PRKN: variants seen among roughly 807,000 people sequenced by gnomAD.
The protein encoded by PRKN is parkin RBR E3 ubiquitin protein ligase.
A neutral mutation model predicts 59.5 loss-of-function variants in PRKN; 56 were observed. That is an observed-to-expected ratio of 0.94 (90% CI 0.76 to 1.18). The LOEUF is 1.18. PRKN is among the 50% of genes most tolerant of loss of function. The pLI, the probability that PRKN is intolerant of heterozygous loss-of-function variation, is 0.00. For missense variants in PRKN, 657 were observed against 596.4 expected, an observed-to-expected ratio of 1.10 and a Z score of -1.06; for synonymous variants, 250 against 222.1, an observed-to-expected ratio of 1.13 and a Z score of -1.12.
intron 9 of PRKN, among the ~76,000 whole-genome samples, chr6:161,472,437 T>C (rs369111492): frequency 9.9e-5 from 15 of 152,108 alleles, no homozygotes; most frequent in African/African-American, 3.6e-4. Context: ...ATAAATGGTA[T>C]TGGGAAAACT....
At chr6:161,635,200 G>A (rs1301820465) in intron 7 of PRKN, among the ~76,000 whole-genome samples, 2 of 152,318 alleles carry the variant, frequency 1.3e-5, no homozygotes, top group Non-Finnish European at 2.9e-5. Context: ...TTCTAATCCA[G>A]ATCTCTGTTC....
At chr6:162,571,509 G>A (rs1780327171) in intron 1 of PRKN, among the ~76,000 whole-genome samples, 1 of 152,136 alleles carries the variant, frequency 6.6e-6, no homozygotes, top group African/African-American at 2.4e-5. Context: ...ACTTTTGGCA[G>A]ATAAAATTTG....
At chr6:162,412,495 G>A (rs970011278) in intron 2 of PRKN, among the ~76,000 whole-genome samples, 1 of 151,788 alleles carries the variant, frequency 6.6e-6, no homozygotes, top group African/African-American at 2.4e-5. Context: ...AGAACAACAC[G>A]GGGTAAGGGC....
intron 4 of PRKN, among the ~76,000 whole-genome samples, chr6:162,085,128 G>A (rs148334113): frequency 6.7e-6 from 1 of 148,154 alleles, no homozygotes; most frequent in Admixed American, 6.8e-5. Flanking sequence ...TGTCTTAAGA[G>A]GAAAAACCCA....
At chr6:161,532,062 A>C (rs1015946275) in intron 9 of PRKN, among the ~76,000 whole-genome samples, 13 of 151,952 alleles carry the variant, frequency 8.6e-5, no homozygotes, top group South Asian at 2.1e-4. Context: ...GAAACAAAAA[A>C]CTAATTTCAA....
chr6:161,940,736 A>G (rs1583378255), intron 6 of PRKN, among the ~76,000 whole-genome samples: 2 of 152,210 alleles, frequency 1.3e-5, no homozygotes, highest in Non-Finnish European at 1.5e-5. Flanking sequence ...CTGTTCAGAA[A>G]TCAGAATGTC....
intron 7 of PRKN, among the ~76,000 whole-genome samples, chr6:161,780,117 T>C (rs1790141280): frequency 6.6e-6 from 1 of 152,176 alleles, no homozygotes; most frequent in Non-Finnish European, 1.5e-5. Flanking sequence ...TGTGTCCACA[T>C]AAAATGATGC....
chr6:161,991,779 C>T (rs1270247343), intron 5 of PRKN, among the ~76,000 whole-genome samples: 1 of 151,786 alleles, frequency 6.6e-6, no homozygotes, highest in East Asian at 2.0e-4. Context: ...GGAGGTGGAG[C>T]TTGCAGTGAG....
chr6:161,415,528 C>T (rs569381947), intron 9 of PRKN, among the ~76,000 whole-genome samples: 4 of 149,728 alleles, frequency 2.7e-5, no homozygotes, highest in East Asian at 2.0e-4. Flanking sequence ...GATGAGGAAA[C>T]GCAGAGCCTT....
intron 2 of PRKN, among the ~76,000 whole-genome samples, chr6:162,288,264 C>T (rs1353179808): frequency 2.6e-5 from 4 of 152,106 alleles, no homozygotes; most frequent in Non-Finnish European, 5.9e-5. Flanking sequence ...GTTTTGGCTG[C>T]TGGTAGTAGG....
intron 2 of PRKN, among the ~76,000 whole-genome samples, chr6:162,336,507 C>A (rs1783853291): frequency 6.6e-6 from 1 of 152,152 alleles, no homozygotes; most frequent in Non-Finnish European, 1.5e-5. Flanking sequence ...AATGCTAATT[C>A]TCTGCACAAG....
intron 2 of PRKN, among the ~76,000 whole-genome samples, chr6:162,342,940 A>G (rs1278844450): frequency 6.6e-6 from 1 of 152,172 alleles, no homozygotes. Context: ...CCTTTCATAA[A>G]ATCTTATTCC....
At chr6:161,749,893 C>A (rs1788603589) in intron 7 of PRKN, among the ~76,000 whole-genome samples, 3 of 152,126 alleles carry the variant, frequency 2.0e-5, no homozygotes, top group African/African-American at 7.2e-5. Context: ...CTTTAAAAAA[C>A]AACAAAAACT....
At chr6:161,813,577 C>T (rs956247344) in intron 6 of PRKN, among the ~76,000 whole-genome samples, 2 of 152,146 alleles carry the variant, frequency 1.3e-5, no homozygotes, top group Admixed American at 6.5e-5. Context: ...TCTGCCCCCA[C>T]CCCCTATGCC....
At chr6:162,013,277 C>A (rs1782806157) in intron 5 of PRKN, among the ~76,000 whole-genome samples, 1 of 152,044 alleles carries the variant, frequency 6.6e-6, no homozygotes, top group South Asian at 2.1e-4. Context: ...ACTCAATTCC[C>A]CTAGAGTAGC....
chr6:162,345,402 A>G (rs1300779284), intron 2 of PRKN, among the ~76,000 whole-genome samples: 2 of 152,216 alleles, frequency 1.3e-5, no homozygotes, highest in African/African-American at 2.4e-5. Context: ...CTTTTCAAGT[A>G]AAGATAATGA....
intron 9 of PRKN, among the ~76,000 whole-genome samples, chr6:161,412,293 C>T (rs1049415256): frequency 1.3e-5 from 2 of 149,260 alleles, no homozygotes; most frequent in Non-Finnish European, 3.0e-5. Context: ...CATTCCTCCA[C>T]TCATTCCTCT....
At chr6:162,046,157 G>A (rs1001159431) in intron 5 of PRKN, among the ~76,000 whole-genome samples, 27 of 152,010 alleles carry the variant, frequency 1.8e-4, no homozygotes, top group African/African-American at 6.3e-4. Context: ...TTGTTTTCAG[G>A]GCCTTTGTCT....
chr6:162,011,370 A>G lies in PRKN; in HGVS notation c.619-37953T>C, dbSNP rs1430725174. The stretch of plus-strand genomic sequence containing the variant: ...TATAATATATATTTATAATATATAT[A>G]ATATATTATATATTTATAATATATA... On this transcript the variant is annotated intron_variant, in intron 5 of 11. Transcript: ENST00000366898. Among the ~76,000 whole-genome samples, 3 of 31,808 alleles carry G rather than the reference A, an allele frequency of 9.4e-5. 1 individual carries two copies. The highest frequency in any genetic ancestry group is 1.4e-4 in the Non-Finnish European group (3 of 21,392). 20.9% of individuals were successfully genotyped at this position (31,808 alleles called of 152,430 possible).
Sources: allele counts gnomAD v4.1 joint callset (sites outside exome capture counted in the v4.1 genomes callset), GRCh38; gene constraint gnomAD v4.1.1; transcripts MANE v1.5; gene names NCBI Gene and HGNC (gene_info 2026-07-23, HGNC 2026-07-21).